The following KIAA0586 variants were observed in gnomAD, a reference collection of about 807,000 sequenced individuals.
KIAA0586 encodes the protein protein TALPID3.
A neutral mutation model predicts 169.8 loss-of-function variants in KIAA0586; 144 were observed. The ratio of observed to expected loss-of-function variants is 0.85; its 90% CI spans 0.74 to 0.97. The LOEUF (loss-of-function observed/expected upper bound fraction) is 0.97, where lower values mean the gene tolerates loss of function less well. KIAA0586 is among the 50% of genes least tolerant of loss of function. The probability of loss-of-function intolerance (pLI) is 0.00; values close to 1 mark genes in which losing one functional copy is unlikely to be tolerated. For synonymous variants in KIAA0586, 625 were observed against 612.4 expected, an observed-to-expected ratio of 1.02 and a Z score of -0.30; for missense variants, 1,854 against 1,823.0, an observed-to-expected ratio of 1.02 and a Z score of -0.31.
At chr14:58,456,839 G>A (rs1566821175) in intron 10 of KIAA0586, 29 bp downstream of exon 10, 2 of 1,091,090 alleles carry the variant, frequency 1.8e-6, no homozygotes, top group Admixed American at 4.4e-5. Context: ...TAAAATTGAT[G>A]ATTAGTTAAG....
the KIAA0586 span, among the ~76,000 whole-genome samples, chr14:58,558,832 A>G: frequency 6.6e-6 from 1 of 152,262 alleles, no homozygotes; most frequent in Non-Finnish European, 1.5e-5. Context: ...CGGTACAAGT[A>G]GAAGTAGTCC....
intron 25 of KIAA0586, 134 bp downstream of exon 25, chr14:58,490,374 T>G (rs974764433): frequency 2.2e-6 from 1 of 461,120 alleles, no homozygotes; most frequent in Non-Finnish European, 3.8e-6. Flanking sequence ...ATGAAATAAT[T>G]TAGAGTTTCT....
chr14:58,435,508 ATTG>A (rs2037753084), intron 4 of KIAA0586, among the ~76,000 whole-genome samples: 2 of 152,108 alleles, frequency 1.3e-5, no homozygotes, highest in Admixed American at 1.3e-4. Context: ...GTAACACATT[ATTG>A]TTAACTATAC....
At chr14:58,459,366 G>A (rs565041299) in intron 12 of KIAA0586, among the ~76,000 whole-genome samples, 6 of 152,160 alleles carry the variant, frequency 3.9e-5, no homozygotes, top group African/African-American at 9.6e-5. Context: ...TCTAGTTTTC[G>A]CTCTACAGCT....
chr14:58,436,574 G>A (rs762830624), intron 4 of KIAA0586, among the ~76,000 whole-genome samples: 5 of 152,112 alleles, frequency 3.3e-5, no homozygotes, highest in Non-Finnish European at 7.4e-5. Context: ...TTGAGAATAA[G>A]TGGTAGATGT....
chr14:58,512,684 C>A, intron 29 of KIAA0586, 57 bp downstream of exon 29: 4 of 940,390 alleles, frequency 4.3e-6, no homozygotes, highest in African/African-American at 1.8e-5. Context: ...GAATATTGAA[C>A]AAATATGAGA....
chr14:58,514,201 G>T (rs926944670), intron 29 of KIAA0586, among the ~76,000 whole-genome samples: 6 of 151,982 alleles, frequency 3.9e-5, no homozygotes, highest in Admixed American at 6.6e-5. Flanking sequence ...CATAGATTTT[G>T]TGGGTTTTAT....
chr14:58,442,218 T>C (rs1595106975), intron 4 of KIAA0586, among the ~76,000 whole-genome samples: 1 of 152,056 alleles, frequency 6.6e-6, no homozygotes, highest in Admixed American at 6.6e-5. Context: ...CTAGTAATTC[T>C]CCTGCCTCAG....
At position 58,450,733 on chromosome 14, in the gene KIAA0586, G is replaced by A; in HGVS notation, c.1116G>A (p.Val372=). ...TGGAAGAAAAAGAAAATATGGAAGT[G>A]TCGTGTCACAGAGGTAATAGAGACT... The part of the protein sequence containing the change: ...NLLEEKENME[V]SCHRGNVRLL... Residue 372 remains valine, a synonymous_variant, in exon 8 of 31, where the codon GTG becomes GTA. Coordinates refer to ENST00000652326, the MANE Select transcript of KIAA0586 (RefSeq NM_001329943.3). The A allele has an allele frequency of 1.2e-6, 2 of 1,602,268 alleles. No individual in the cohort carries two copies. The highest frequency in any genetic ancestry group is 1.7e-6 in the Non-Finnish European group (2 of 1,170,480).
intron 26 of KIAA0586, 33 bp downstream of exon 26, chr14:58,492,308 T>G (rs746775025): frequency 1.3e-6 from 2 of 1,510,632 alleles, no homozygotes; most frequent in South Asian, 1.3e-5. Context: ...TTTTTTTGGT[T>G]AGATCTAAAT....
At chr14:58,490,422 GA>G (rs1335392483) in intron 25 of KIAA0586, among the ~76,000 whole-genome samples, 182 bp downstream of exon 25, 2 of 151,858 alleles carry the variant, frequency 1.3e-5, no homozygotes, top group Admixed American at 6.6e-5. Flanking sequence ...TTATGAGAAT[GA>G]AAAAAAGTTA....
intron 29 of KIAA0586, among the ~76,000 whole-genome samples, chr14:58,531,129 AAC>A (rs2045934697): frequency 6.6e-6 from 1 of 151,530 alleles, no homozygotes; most frequent in Non-Finnish European, 1.5e-5. Context: ...CGTCCTGGCT[AAC>A]ACAGTGAAAC....
At chr14:58,547,708 A>C in intron 30 of KIAA0586, 73 bp from the exon 31 acceptor site, 2 of 1,183,314 alleles carry the variant, frequency 1.7e-6, no homozygotes, top group Admixed American at 2.1e-5. Context: ...ACCTCATATT[A>C]TTTCGCAAAG....
At chr14:58,515,661 A>G (rs1240526660) in intron 29 of KIAA0586, among the ~76,000 whole-genome samples, 1 of 152,124 alleles carries the variant, frequency 6.6e-6, no homozygotes, top group African/African-American at 2.4e-5. Context: ...TTTCAAAACT[A>G]TGTGTGTGTA....
At chr14:58,547,634 C>T in intron 30 of KIAA0586, 147 bp from the exon 31 acceptor site, 1 of 662,488 alleles carries the variant, frequency 1.5e-6, no homozygotes, top group Non-Finnish European at 2.6e-6. Flanking sequence ...AAGTTCTGAG[C>T]ACCTTGGGAC....
Position 58,474,021 on chromosome 14 carries a change from G to C in KIAA0586, c.2635-586G>C, listed in dbSNP as rs577810569. On this transcript the variant is annotated intron_variant, in intron 18 of 30. Transcript: ENST00000652326. ...GACCTCAGGAAGTTTTACTCAGATA[G>C]AAGGCTGTGAGGGTCCAGATGTGTC... Among the ~76,000 whole-genome samples the C allele has an allele frequency of 1.8e-4, 27 of 152,276 alleles. No individual in the cohort carries two copies. In the South Asian group the frequency reaches 5.6e-3, roughly 32 times the overall value.
chr14:58,535,428 C>T (rs1187659172), intron 29 of KIAA0586, among the ~76,000 whole-genome samples: 1 of 152,172 alleles, frequency 6.6e-6, no homozygotes, highest in East Asian at 1.9e-4. Context: ...TTTTAATAAG[C>T]TTTAATAATT....
In KIAA0586 at chr14:58,531,796, A is replaced by G. The variant is rs146942359; in HGVS notation, c.4430-8275A>G. ...TTGGAACCACCCCAAATGCCCATCA[A>G]TGATTGACTGGATAAAGAAAATGTG... On this transcript the variant is annotated intron_variant, in intron 29 of 30. Coordinates refer to ENST00000652326, the MANE Select transcript of KIAA0586 (RefSeq NM_001329943.3). 1.9e-3 allele frequency among the ~76,000 whole-genome samples: 285 copies of G among 152,344 alleles called. 1 individual carries two copies. The highest frequency in any genetic ancestry group is 6.1e-3 in the African/African-American group (254 of 41,590).
intron 22 of KIAA0586, 37 bp from the exon 23 acceptor site, chr14:58,487,850 A>G (rs1167986606): frequency 3.6e-6 from 5 of 1,384,768 alleles, no homozygotes; most frequent in African/African-American, 3.4e-5. Context: ...TTTACTGACT[A>G]CTATCTTTTT....
Sources: allele counts gnomAD v4.1 joint callset (sites outside exome capture counted in the v4.1 genomes callset), GRCh38; gene constraint gnomAD v4.1.1; transcripts MANE v1.5; gene names NCBI Gene and HGNC (gene_info 2026-07-23, HGNC 2026-07-21).